The following DPYD variants were observed in gnomAD, a reference collection of about 807,000 sequenced individuals.
DPYD encodes dihydropyrimidine dehydrogenase.
A neutral mutation model predicts 116.2 loss-of-function variants in DPYD; 109 were observed. That is an observed-to-expected ratio of 0.94 (90% CI 0.80 to 1.10). The LOEUF (loss-of-function observed/expected upper bound fraction) is 1.10. Ranked by LOEUF, DPYD falls within the 50% of genes least tolerant of loss-of-function variation. The probability of loss-of-function intolerance (pLI) is 0.00; values close to 1 mark genes in which losing one functional copy is unlikely to be tolerated. For missense variants in DPYD, 1,302 were observed against 1,254.5 expected, an observed-to-expected ratio of 1.04 and a Z score of -0.57; for synonymous variants, 440 against 432.0, an observed-to-expected ratio of 1.02 and a Z score of -0.23.
At chr1:97,132,781 C>T (rs1244750820) in intron 20 of DPYD, among the ~76,000 whole-genome samples, 1 of 152,028 alleles carries the variant, frequency 6.6e-6, no homozygotes, top group Non-Finnish European at 1.5e-5. Context: ...ATAATGACTA[C>T]TATTTCATTA....
chr1:97,420,444 C>G (rs914074976), intron 14 of DPYD, among the ~76,000 whole-genome samples: 1 of 152,032 alleles, frequency 6.6e-6, no homozygotes, highest in Non-Finnish European at 1.5e-5. Flanking sequence ...CCTTGGCTAA[C>G]TGGTTTTGTT....
intron 18 of DPYD, among the ~76,000 whole-genome samples, chr1:97,267,238 G>A (rs1664297959): frequency 6.6e-6 from 1 of 152,104 alleles, no homozygotes; most frequent in Non-Finnish European, 1.5e-5. Flanking sequence ...GGTGTGAGAT[G>A]GTATCTCATT....
intron 14 of DPYD, among the ~76,000 whole-genome samples, chr1:97,426,322 A>G (rs531204987): frequency 3.5e-4 from 54 of 152,240 alleles, no homozygotes; most frequent in African/African-American, 1.2e-3. Context: ...AGTCAGTGAC[A>G]TGATGGCAAA....
chr1:97,126,285 T>C (rs898749314), intron 20 of DPYD, among the ~76,000 whole-genome samples: 7 of 152,162 alleles, frequency 4.6e-5, no homozygotes, highest in Non-Finnish European at 8.8e-5. Flanking sequence ...CCCATCCTAC[T>C]TGTTTTTTAA....
intron 20 of DPYD, among the ~76,000 whole-genome samples, chr1:97,187,620 G>C (rs1658089046): frequency 6.6e-6 from 1 of 151,880 alleles, no homozygotes; most frequent in South Asian, 2.1e-4. Context: ...TTGTTTTTGA[G>C]GTCTTTGTCA....
chr1:97,080,051 G>A (rs1649048938), intron 22 of DPYD, among the ~76,000 whole-genome samples: 2 of 151,882 alleles, frequency 1.3e-5, no homozygotes, highest in Non-Finnish European at 1.5e-5. Context: ...AGACCTCAGC[G>A]GAAGTTACAG....
intron 18 of DPYD, among the ~76,000 whole-genome samples, chr1:97,246,118 C>G (rs1419522208): frequency 4.6e-5 from 7 of 152,082 alleles, no homozygotes; most frequent in Non-Finnish European, 7.4e-5. Flanking sequence ...TAAAACTGAC[C>G]AGGCACTTTG....
At chr1:97,612,357 T>C (rs1276338742) in intron 8 of DPYD, among the ~76,000 whole-genome samples, 1 of 152,004 alleles carries the variant, frequency 6.6e-6, no homozygotes, top group Non-Finnish European at 1.5e-5. Flanking sequence ...TTTAATCTTT[T>C]CACACAAGTG....
chr1:97,402,548 T>C (rs1388905069), intron 14 of DPYD, among the ~76,000 whole-genome samples: 1 of 152,096 alleles, frequency 6.6e-6, no homozygotes, highest in African/African-American at 2.4e-5. Flanking sequence ...ATGTACACAA[T>C]AATGTCATCT....
intron 19 of DPYD, among the ~76,000 whole-genome samples, chr1:97,224,007 T>C (rs1660949051): frequency 6.6e-6 from 1 of 151,982 alleles, no homozygotes; most frequent in Non-Finnish European, 1.5e-5. Flanking sequence ...AACAGGAAGG[T>C]TTTTATAAAT....
chr1:97,827,208 T>C (rs972807925), intron 3 of DPYD, among the ~76,000 whole-genome samples: 5 of 152,116 alleles, frequency 3.3e-5, no homozygotes, highest in African/African-American at 7.2e-5. Context: ...TTATCCTTTC[T>C]CTCATTTTAA....
At chr1:97,089,263 T>C (rs372631012) in intron 21 of DPYD, among the ~76,000 whole-genome samples, 102 of 152,204 alleles carry the variant, frequency 6.7e-4, no homozygotes, top group African/African-American at 2.3e-3. Context: ...TTCTCATATA[T>C]ATCAACAGAA....
At chr1:97,084,095 C>G (rs1219142747) in intron 21 of DPYD, among the ~76,000 whole-genome samples, 1 of 152,078 alleles carries the variant, frequency 6.6e-6, no homozygotes, top group Non-Finnish European at 1.5e-5. Flanking sequence ...AAGACACAGA[C>G]TAAATTTCTC....
intron 18 of DPYD, among the ~76,000 whole-genome samples, chr1:97,246,636 T>C (rs1662737276): frequency 6.6e-6 from 1 of 152,076 alleles, no homozygotes; most frequent in African/African-American, 2.4e-5. Context: ...GGTTGGGAAA[T>C]GGTATACAGT....
intron 3 of DPYD, among the ~76,000 whole-genome samples, chr1:97,796,540 C>T (rs958117450): frequency 6.6e-5 from 10 of 152,038 alleles, no homozygotes; most frequent in Non-Finnish European, 1.3e-4. Flanking sequence ...TTCAATAAAA[C>T]TCTTTCTTAA....
chr1:97,150,961 C>G (rs993391506), intron 20 of DPYD, among the ~76,000 whole-genome samples: 1 of 152,060 alleles, frequency 6.6e-6, no homozygotes, highest in Non-Finnish European at 1.5e-5. Context: ...CTGGAAACAC[C>G]AGAAGTGTAA....
chr1:97,740,040 T>C (rs1218292492), intron 4 of DPYD, among the ~76,000 whole-genome samples: 2 of 152,126 alleles, frequency 1.3e-5, no homozygotes, highest in African/African-American at 4.8e-5. Context: ...CACACTTTCA[T>C]AGATATTTCA....
intron 8 of DPYD, among the ~76,000 whole-genome samples, chr1:97,651,100 T>C (rs1267863530): frequency 6.6e-6 from 1 of 152,186 alleles, no homozygotes; most frequent in Non-Finnish European, 1.5e-5. Context: ...TAAGTAGCTA[T>C]AATTTATTCA....
chr1:97,639,887 G>A lies in DPYD; in HGVS notation c.850+39208C>T, dbSNP rs1210459189. 3.3e-5 allele frequency among the ~76,000 whole-genome samples: 5 copies of A among 152,116 alleles called. No homozygotes were observed. The South Asian group carries it at 1.0e-3, about 31-fold the overall frequency. ...TGTATGAACAGATGACGCAGAACATGCCTATTCAAGACAACATGGTTTCTG... is the reference window on the plus strand; with the variant it reads ...TGTATGAACAGATGACGCAGAACATACCTATTCAAGACAACATGGTTTCTG... On this transcript the variant is annotated intron_variant, in intron 8 of 22. Transcript: ENST00000370192.
Sources: allele counts gnomAD v4.1 joint callset (sites outside exome capture counted in the v4.1 genomes callset), GRCh38; gene constraint gnomAD v4.1.1; transcripts MANE v1.5; gene names NCBI Gene and HGNC (gene_info 2026-07-23, HGNC 2026-07-21).